The following TENM2 variants were observed in gnomAD, a reference collection of about 807,000 sequenced individuals.
TENM2 encodes teneurin-2.
TENM2 carries 52 observed loss-of-function variants against 245.2 expected under a neutral mutation model. The ratio of observed to expected loss-of-function variants is 0.21; its 90% CI spans 0.17 to 0.27. The LOEUF is 0.27. Among genes scored for constraint, TENM2 ranks in the 10% least tolerant of loss-of-function variants. The probability of loss-of-function intolerance (pLI) is 1.00; values close to 1 mark genes in which losing one functional copy is unlikely to be tolerated. For missense variants in TENM2, 3,046 were observed against 3,666.8 expected, an observed-to-expected ratio of 0.83 and a Z score of 4.37; for synonymous variants, 1,363 against 1,438.9, an observed-to-expected ratio of 0.95 and a Z score of 1.19.
exon 29 of TENM2, chr5:168,262,772 A>G: frequency 1.2e-6 from 2 of 1,609,366 alleles, no homozygotes; most frequent in Non-Finnish European, 1.7e-6. Flanking sequence ...TAGCAGCAAC[A>G]TCCAGTTTTT....
the TENM2 span, among the ~76,000 whole-genome samples, chr5:167,213,507 A>T: frequency 6.6e-6 from 1 of 152,242 alleles, no homozygotes; most frequent in South Asian, 2.1e-4. Context: ...TAGTAACACC[A>T]ATCTACTGGG....
chr5:167,878,815 G>A (rs1489860922), intron 3 of TENM2, among the ~76,000 whole-genome samples: 1 of 152,130 alleles, frequency 6.6e-6, no homozygotes, highest in Non-Finnish European at 1.5e-5. Flanking sequence ...CAAACAAAGT[G>A]GCCTTGTGTT....
At chr5:167,371,254 C>T (rs755404546) in intron 1 of TENM2, among the ~76,000 whole-genome samples, 2 of 151,548 alleles carry the variant, frequency 1.3e-5, no homozygotes, top group Non-Finnish European at 2.9e-5. Context: ...GCTGTGAAGG[C>T]ATGAGGCTTC....
chr5:168,119,801 A>G (rs974832398), intron 10 of TENM2, among the ~76,000 whole-genome samples: 1 of 152,154 alleles, frequency 6.6e-6, no homozygotes, highest in Non-Finnish European at 1.5e-5. Flanking sequence ...AACTAAGGGG[A>G]AAAAGTGAAG....
chr5:167,919,931 G>A (rs1777222543), intron 3 of TENM2, among the ~76,000 whole-genome samples: 1 of 152,138 alleles, frequency 6.6e-6, no homozygotes, highest in African/African-American at 2.4e-5. Flanking sequence ...AATAAATCAA[G>A]ACATTCTTTT....
At chr5:167,926,597 C>G (rs1035412172) in intron 3 of TENM2, among the ~76,000 whole-genome samples, 3 of 151,952 alleles carry the variant, frequency 2.0e-5, no homozygotes, top group African/African-American at 7.3e-5. Flanking sequence ...GGCACACACC[C>G]GTAATGCTAG....
At chr5:168,164,968 G>A (rs1399335144) in intron 13 of TENM2, among the ~76,000 whole-genome samples, 20 of 152,180 alleles carry the variant, frequency 1.3e-4, no homozygotes, top group Admixed American at 1.2e-3. Context: ...GGAATCCATC[G>A]GGGTGGTGGA....
At chr5:167,171,925 A>G in the TENM2 span, among the ~76,000 whole-genome samples, 3 of 152,136 alleles carry the variant, frequency 2.0e-5, no homozygotes, top group Non-Finnish European at 2.9e-5. Flanking sequence ...CAAACTAATA[A>G]AAGATCTTTT....
At chr5:167,558,412 T>C (rs1773384191) in intron 2 of TENM2, among the ~76,000 whole-genome samples, 1 of 152,172 alleles carries the variant, frequency 6.6e-6, no homozygotes, top group African/African-American at 2.4e-5. Flanking sequence ...AAACTGAAAT[T>C]GTCTAAAGCA....
At chr5:167,688,252 C>T (rs941649666) in intron 2 of TENM2, among the ~76,000 whole-genome samples, 3 of 152,138 alleles carry the variant, frequency 2.0e-5, no homozygotes, top group Non-Finnish European at 4.4e-5. Flanking sequence ...AATGGCGTGG[C>T]GTTTTACTAT....
rs572552300 is a variant in TENM2, at chr5:167,891,342, C to T, written c.712+15147C>T. ...ACAGGCTGGAGTGCAGTGGTGCAAC[C>T]TCCACTCACTGCAGCCTCAGCCTTC... On this transcript the variant is annotated intron_variant, in intron 3 of 28. Transcript: ENST00000518659. Among the ~76,000 whole-genome samples, 35 of 152,252 alleles carry T rather than the reference C, an allele frequency of 2.3e-4. 1 individual carries two copies. The highest frequency in any genetic ancestry group is 7.5e-4 in the African/African-American group (31 of 41,558).
chr5:167,821,795 G>A (rs1488054992), intron 2 of TENM2, among the ~76,000 whole-genome samples: 2 of 152,054 alleles, frequency 1.3e-5, no homozygotes, highest in East Asian at 1.9e-4. Flanking sequence ...AAAGGAGTAC[G>A]TTCTTGTCTG....
intron 2 of TENM2, among the ~76,000 whole-genome samples, chr5:167,870,565 A>G (rs1772721463): frequency 7.0e-6 from 1 of 142,542 alleles, no homozygotes. Context: ...ATATATATAT[A>G]TATATGTGTG....
chr5:167,145,055 C>T, the TENM2 span, among the ~76,000 whole-genome samples: 3 of 152,192 alleles, frequency 2.0e-5, no homozygotes, highest in Admixed American at 2.0e-4. Flanking sequence ...GCCACATCAC[C>T]TTCCATTCTC....
the TENM2 span, among the ~76,000 whole-genome samples, chr5:167,248,130 A>G: frequency 6.6e-6 from 1 of 152,198 alleles, no homozygotes; most frequent in South Asian, 2.1e-4. Context: ...AGATTTTAAA[A>G]TAGCACCAGT....
intron 2 of TENM2, among the ~76,000 whole-genome samples, chr5:167,845,395 T>G (rs559226728): frequency 6.6e-6 from 1 of 152,222 alleles, no homozygotes; most frequent in Admixed American, 6.5e-5. Flanking sequence ...AAATAAATCT[T>G]AACTTCCAAG....
At chr5:168,088,485 G>A (rs1292238563) in intron 7 of TENM2, among the ~76,000 whole-genome samples, 5 of 152,078 alleles carry the variant, frequency 3.3e-5, no homozygotes, top group African/African-American at 9.7e-5. Context: ...TCTAAGCAGC[G>A]GCCGTCACCA....
intron 2 of TENM2, among the ~76,000 whole-genome samples, chr5:167,856,199 C>A (rs57053085): frequency 0.017 from 2,611 of 152,194 alleles, 53 homozygotes; most frequent in African/African-American, 0.059. Flanking sequence ...ACAGAGGCCA[C>A]CATTCCCGTC....
intron 1 of TENM2, among the ~76,000 whole-genome samples, chr5:167,348,817 C>T (rs1157220089): frequency 6.6e-6 from 1 of 152,152 alleles, no homozygotes; most frequent in African/African-American, 2.4e-5. Flanking sequence ...AATAATACTG[C>T]CTTCTTGGCA....
Sources: allele counts gnomAD v4.1 joint callset (sites outside exome capture counted in the v4.1 genomes callset), GRCh38; gene constraint gnomAD v4.1.1; transcripts MANE v1.5; gene names NCBI Gene and HGNC (gene_info 2026-07-23, HGNC 2026-07-21).